The following USP35 variants were observed in gnomAD, a reference collection of about 807,000 sequenced individuals.
USP35 encodes the protein ubiquitin carboxyl-terminal hydrolase 35.
A neutral mutation model predicts 83.8 loss-of-function variants in USP35; 69 were observed. That is an observed-to-expected ratio of 0.82 (90% CI 0.68 to 1.01). The LOEUF (loss-of-function observed/expected upper bound fraction) is 1.01, where lower values mean the gene tolerates loss of function less well. Among genes scored for constraint, USP35 ranks in the 50% least tolerant of loss-of-function variants. The pLI is 0.00. For synonymous variants in USP35, 714 were observed against 589.5 expected, an observed-to-expected ratio of 1.21 and a Z score of -3.06; for missense variants, 1,503 against 1,362.5, an observed-to-expected ratio of 1.10 and a Z score of -1.62.
intron 10 of USP35, among the ~76,000 whole-genome samples, chr11:78,213,003 G>C (rs1863853608): frequency 6.6e-6 from 1 of 152,228 alleles, no homozygotes; most frequent in Admixed American, 6.5e-5. Flanking sequence ...AGCTGGAACA[G>C]CATGGGCTTT....
chr11:78,199,532 C>G (rs1349472026), intron 3 of USP35, 63 bp from the exon 4 acceptor site: 2 of 1,607,118 alleles, frequency 1.2e-6, no homozygotes, highest in African/African-American at 1.3e-5. Context: ...AGCCCCTGGG[C>G]TGCCCTCACC....
the USP35 span, among the ~76,000 whole-genome samples, chr11:78,229,311 G>A: frequency 2.6e-5 from 4 of 152,170 alleles, no homozygotes; most frequent in East Asian, 3.8e-4. Flanking sequence ...CTAGAAACTC[G>A]AAGCTGCTCA....
chr11:78,191,882 C>G (rs912321525), intron 1 of USP35, among the ~76,000 whole-genome samples: 3 of 144,682 alleles, frequency 2.1e-5, no homozygotes, highest in African/African-American at 7.7e-5. Flanking sequence ...CTTGCTCTGT[C>G]CCCCAGGCTG....
At chr11:78,223,289 C>G in the USP35 span, 7 of 741,106 alleles carry the variant, frequency 9.4e-6, no homozygotes, top group South Asian at 2.0e-4. Context: ...AACTGAGACT[C>G]AGATTTTACA....
the USP35 span, among the ~76,000 whole-genome samples, chr11:78,220,846 C>T: frequency 6.6e-6 from 1 of 152,210 alleles, no homozygotes; most frequent in African/African-American, 2.4e-5. Context: ...CCTTTGCTTG[C>T]TGGCGCTTAA....
the USP35 span, among the ~76,000 whole-genome samples, chr11:78,222,547 AT>A: frequency 6.7e-6 from 1 of 148,212 alleles, no homozygotes; most frequent in African/African-American, 2.4e-5. Flanking sequence ...TAATATATTA[AT>A]ATTTATAAAA....
chr11:78,226,370 C>T, the USP35 span: 1 of 986,644 alleles, frequency 1.0e-6, no homozygotes, highest in African/African-American at 1.6e-5. Context: ...TTCGTAAGTT[C>T]CCCTCGGCCA....
chr11:78,224,936 A>ATC, the USP35 span, among the ~76,000 whole-genome samples: 2 of 152,288 alleles, frequency 1.3e-5, no homozygotes, highest in African/African-American at 4.8e-5. Flanking sequence ...GAATACTTAT[A>ATC]TCTTACTTGT....
intron 1 of USP35, among the ~76,000 whole-genome samples, chr11:78,189,888 C>T (rs1414478936): frequency 1.3e-5 from 2 of 152,194 alleles, no homozygotes; most frequent in Non-Finnish European, 2.9e-5. Flanking sequence ...GGGTGAAGCA[C>T]TTCTTCCCAG....
chr11:78,192,031 G>T lies in USP35; in HGVS notation c.-11+2874G>T, dbSNP rs530060994. On this transcript the variant is annotated intron_variant, in intron 1 of 10. Coordinates refer to ENST00000529308, the MANE Select transcript of USP35 (RefSeq NM_020798.4). ...GCTAATTTTTTGTATTTTTAGTAGA[G>T]ATGGGGTTTCACCGTGTTAATGAGG... 4.7e-4 allele frequency among the ~76,000 whole-genome samples: 71 copies of T among 152,154 alleles called. 1 individual carries two copies. The highest frequency in any genetic ancestry group is 1.6e-3 in the African/African-American group (68 of 41,496).
rs746013321 is a variant in USP35, at chr11:78,210,107, G to A, written c.2252G>A (p.Arg751Gln). Residue 751 changes from arginine (R) to glutamine (Q), a missense_variant, in exon 10 of 11, where the codon CGG becomes CAG. Physicochemically the swap from Arg to Gln is conservative, Grantham distance 43. Coordinates refer to ENST00000529308, the MANE Select transcript of USP35 (RefSeq NM_020798.4). Reference protein sequence around the residue: ...HPDAAIPSGERTCGSEGSRSV... With the variant: ...HPDAAIPSGEQTCGSEGSRSV... ...GATGCTGCCATCCCCTCCGGGGAGC[G>A]GACATGTGGCTCTGAGGGCTCCCGC... is the stretch of plus-strand genomic sequence containing the variant. 1.7e-5 allele frequency: 27 copies of A among 1,613,826 alleles called. No homozygotes were observed. Among genetic ancestry groups the A allele is most frequent in the East Asian group, 8.9e-5 (4 of 44,888 alleles).
the USP35 span, among the ~76,000 whole-genome samples, chr11:78,222,728 G>A: frequency 2.0e-5 from 3 of 151,938 alleles, no homozygotes; most frequent in South Asian, 2.1e-4. Context: ...GACTATAGGC[G>A]CCTGCCACCA....
intron 6 of USP35, among the ~76,000 whole-genome samples, chr11:78,202,301 G>GA (rs1226860878): frequency 1.3e-5 from 2 of 152,152 alleles, no homozygotes; most frequent in Non-Finnish European, 2.9e-5. Context: ...AATGGTCTAG[G>GA]AAAAAATATG....
chr11:78,200,954 T>C (rs1863337237), intron 6 of USP35, 146 bp downstream of exon 6: 6 of 1,233,858 alleles, frequency 4.9e-6, no homozygotes, highest in Non-Finnish European at 6.6e-6. Flanking sequence ...GTCCATCATG[T>C]GCCTCAAGCA....
chr11:78,227,879 T>C, the USP35 span, among the ~76,000 whole-genome samples: 12 of 152,148 alleles, frequency 7.9e-5, no homozygotes, highest in Non-Finnish European at 1.8e-4. Context: ...CCATGATTTA[T>C]GGTTGGTTAA....
the USP35 span, chr11:78,226,603 T>TGGGTTG: frequency 3.9e-6 from 1 of 257,718 alleles, no homozygotes; most frequent in Admixed American, 5.1e-5. Flanking sequence ...TGACTTGGCT[T>TGGGTTG]GGGGGGGCGG....
At chr11:78,220,536 C>T in the USP35 span, 1 of 1,118,374 alleles carries the variant, frequency 8.9e-7, no homozygotes, top group Non-Finnish European at 1.3e-6. Context: ...AACACTGTTT[C>T]CCTGAGCCCT....
chr11:78,211,003 C>T (rs577581433), intron 10 of USP35, among the ~76,000 whole-genome samples: 21 of 152,242 alleles, frequency 1.4e-4, no homozygotes, highest in South Asian at 4.1e-4. Context: ...GTTACTTAAA[C>T]GTGTGCCATG....
At chr11:78,192,415 C>T (rs1863032166) in intron 1 of USP35, among the ~76,000 whole-genome samples, 1 of 152,260 alleles carries the variant, frequency 6.6e-6, no homozygotes, top group African/African-American at 2.4e-5. Context: ...TCACTTTCTT[C>T]ATTCCTGCCA....
Sources: allele counts gnomAD v4.1 joint callset (sites outside exome capture counted in the v4.1 genomes callset), GRCh38; gene constraint gnomAD v4.1.1; transcripts MANE v1.5; gene names NCBI Gene and HGNC (gene_info 2026-07-23, HGNC 2026-07-21).